The following ZNF493 variants were observed in gnomAD, a reference collection of about 807,000 sequenced individuals.
The protein encoded by ZNF493 is zinc finger protein 493.
In ZNF493, 11 loss-of-function variants were observed where a neutral mutation model predicts 12.2. That is an observed-to-expected ratio of 0.90 (90% confidence interval 0.57 to 1.50). The LOEUF (loss-of-function observed/expected upper bound fraction) is 1.50. ZNF493 is among the 40% of genes most tolerant of loss of function. ZNF493 has a pLI of 0.00. For synonymous variants in ZNF493, 286 were observed against 302.6 expected, an observed-to-expected ratio of 0.95 and a Z score of 0.57; for missense variants, 950 against 906.6, an observed-to-expected ratio of 1.05 and a Z score of -0.61.
chr19:21,399,617 G>A (rs984389848), intron 1 of ZNF493, among the ~76,000 whole-genome samples: 1 of 152,040 alleles, frequency 6.6e-6, no homozygotes, highest in African/African-American at 2.4e-5. Flanking sequence ...AAAGATTTGG[G>A]TTTCAAAAAA....
intron 1 of ZNF493, chr19:21,398,569 G>T: frequency 2.5e-6 from 1 of 405,464 alleles, no homozygotes; most frequent in South Asian, 1.8e-5. Flanking sequence ...GTTAGCTAGA[G>T]TGTCCATTGG....
At chr19:21,400,373 G>A (rs58121117) in intron 1 of ZNF493, among the ~76,000 whole-genome samples, 11,965 of 151,890 alleles carry the variant, frequency 0.079, 558 homozygotes, top group Middle Eastern at 0.13. Flanking sequence ...TTGTACCACT[G>A]TACTCTGGCC....
chr19:21,423,056 A>C lies in ZNF493; in HGVS notation c.397A>C (p.Asn133His), dbSNP rs2030729874. 4 of 1,613,710 alleles carry C rather than the reference A, an allele frequency of 2.5e-6. No homozygotes were observed. The highest frequency in any genetic ancestry group is 1.7e-4 in the Middle Eastern group (1 of 6,052). Residue 133 changes from asparagine (N) to histidine (H), a missense_variant, in exon 4 of 4, where the codon AAT (asparagine) becomes CAT (histidine). Asn to His is a moderately conservative substitution (Grantham distance 68). Coordinates refer to ENST00000392288, the MANE Select transcript of ZNF493 (RefSeq NM_001076678.3). ...AGGATGTAAAAGTATGAATGAGTGT[A>C]ATGTGCACAAAGAAGGTTATAATGA... is the stretch of plus-strand genomic sequence containing the variant. ...RKGCKSMNEC[N>H]VHKEGYNELN...
intron 3 of ZNF493, among the ~76,000 whole-genome samples, chr19:21,418,603 A>G (rs1014467292): frequency 6.6e-6 from 1 of 152,198 alleles, no homozygotes. Flanking sequence ...ACACACAGAA[A>G]TATAGAGGTG....
chr19:21,425,188 G>T lies in ZNF493; in HGVS notation c.*204G>T. Reference sequence around the variant, plus strand: ...ATTCATATTGGAGAGAAATTCTACAGATGTGAAGAATGTGGCAAAGGCTTT... The same window carrying T: ...ATTCATATTGGAGAGAAATTCTACATATGTGAAGAATGTGGCAAAGGCTTT... On this transcript the variant is annotated 3_prime_UTR_variant, in exon 4 of 4. Coordinates refer to ENST00000392288, the MANE Select transcript of ZNF493 (RefSeq NM_001076678.3). 1 of 647,458 alleles carries T rather than the reference G, an allele frequency of 1.5e-6. No individual in the cohort carries two copies. Among genetic ancestry groups the T allele is most frequent in the Non-Finnish European group, 2.7e-6 (1 of 368,640 alleles). The allele number at this position is 647,458 out of a possible 1,614,324, so 40.1% of individuals were successfully genotyped here.
At position 21,426,836 on chromosome 19, in the gene ZNF493, ATG is replaced by A. The variant is rs1237709866; in HGVS notation, c.*1853_*1854del. On this transcript the variant is annotated 3_prime_UTR_variant, in exon 4 of 4. Coordinates refer to ENST00000392288, the MANE Select transcript of ZNF493 (RefSeq NM_001076678.3). ...AGCGACACTTCGAATATTCTACTAAATGAGAGTTCTGAGTATAGAAAATAAAA... is the reference window on the plus strand; with the variant it reads ...AGCGACACTTCGAATATTCTACTAAAAGAGTTCTGAGTATAGAAAATAAAA... 1.2e-5 allele frequency: 2 copies of A among 167,080 alleles called. No individual in the cohort carries two copies. The highest frequency in any genetic ancestry group is 2.9e-5 in the Non-Finnish European group (2 of 68,096). 10.3% of individuals were successfully genotyped at this position (167,080 alleles called of 1,614,324 possible).
chr19:21,412,466 TAGTTTATGGCCAGTTTTGGGGCC>T (rs1423528619), intron 3 of ZNF493: 6 of 154,968 alleles, frequency 3.9e-5, no homozygotes, highest in Admixed American at 1.9e-4. Flanking sequence ...TGCAGAGATT[TAGTTTATGGCCAGTTTTGGGGCC>T]AGTTTATGGC....
chr19:21,404,193 T>C (rs1000871376), intron 1 of ZNF493, among the ~76,000 whole-genome samples: 12 of 152,184 alleles, frequency 7.9e-5, no homozygotes, highest in African/African-American at 2.7e-4. Flanking sequence ...TACTTTAAAA[T>C]GTTATTAAAA....
chr19:21,419,076 T>C (rs1445551371), intron 3 of ZNF493, among the ~76,000 whole-genome samples: 1 of 152,198 alleles, frequency 6.6e-6, no homozygotes, highest in African/African-American at 2.4e-5. Flanking sequence ...TTCAAATTAT[T>C]GAACTTGAGG....
chr19:21,406,836 T>A (rs917248610), intron 3 of ZNF493, among the ~76,000 whole-genome samples: 1 of 152,104 alleles, frequency 6.6e-6, no homozygotes, highest in African/African-American at 2.4e-5. Context: ...AAAATGCCAC[T>A]GGAATTTTGA....
intron 1 of ZNF493, among the ~76,000 whole-genome samples, chr19:21,401,896 C>G (rs527800416): frequency 5.7e-4 from 87 of 152,146 alleles, no homozygotes; most frequent in African/African-American, 2.0e-3. Flanking sequence ...TCCCAAAGTG[C>G]TAGGATTACA....
chr19:21,425,818 C>A lies in ZNF493; in HGVS notation c.*834C>A. 3.6e-6 allele frequency: 2 copies of A among 554,496 alleles called. No individual in the cohort carries two copies. The highest frequency in any genetic ancestry group is 2.9e-5 in the South Asian group (2 of 70,028). The allele number at this position is 554,496 out of a possible 1,614,324, so 34.3% of individuals were successfully genotyped here. Reference sequence around the variant, plus strand: ...AAAGCCTTTATCCAGTCCTCAACTCCTAGTAAACATAATTAATGATGGAGA... The same window carrying A: ...AAAGCCTTTATCCAGTCCTCAACTCATAGTAAACATAATTAATGATGGAGA... On this transcript the variant is annotated 3_prime_UTR_variant, in exon 4 of 4. Transcript: ENST00000392288.
At chr19:21,420,497 G>A (rs1390148698) in intron 3 of ZNF493, among the ~76,000 whole-genome samples, 2 of 143,454 alleles carry the variant, frequency 1.4e-5, no homozygotes, top group Non-Finnish European at 3.0e-5. Context: ...ATAAGGCAGT[G>A]CCAATATACT....
Position 21,423,101 on chromosome 19 carries a change from A to G in ZNF493, c.442A>G (p.Thr148Ala), listed in dbSNP as rs780734028. Residue 148 changes from threonine (T) to alanine (A), a missense_variant, in exon 4 of 4, where the codon ACT (threonine) becomes GCT (alanine). Thr to Ala is a moderately conservative substitution (Grantham distance 58). Coordinates refer to ENST00000392288, the MANE Select transcript of ZNF493 (RefSeq NM_001076678.3). ...TAATGAACTAAACCAGTATTTGACA[A>G]CTACCCAGAGCAAAATATTTCAATG... ...GYNELNQYLTTTQSKIFQCDK... is the reference protein window; with the variant it reads ...GYNELNQYLTATQSKIFQCDK... 2.5e-6 allele frequency: 4 copies of G among 1,613,770 alleles called. No homozygotes were observed. The highest frequency in any genetic ancestry group is 3.4e-6 in the Non-Finnish European group (4 of 1,179,828).
chr19:21,399,722 T>C (rs1188595549), intron 1 of ZNF493, among the ~76,000 whole-genome samples: 1 of 152,190 alleles, frequency 6.6e-6, no homozygotes, highest in Non-Finnish European at 1.5e-5. Flanking sequence ...GTGTTTTTTT[T>C]ATAGCTGGGT....
intron 1 of ZNF493, 58 bp downstream of exon 1, chr19:21,397,325 G>C (rs747791976): frequency 6.2e-7 from 1 of 1,606,646 alleles, no homozygotes; most frequent in Non-Finnish European, 8.5e-7. Flanking sequence ...GGAACCGGTG[G>C]GAAGTGGCTG....
chr19:21,405,830 G>T lies in ZNF493; in HGVS notation c.227G>T (p.Gly76Val). Reference sequence around the variant, plus strand: ...GGAAAAGATCCCTGGAATATGAAGGGACACAGTACGGTAGTCAAACCCCCA... The same window carrying T: ...GGAAAAGATCCCTGGAATATGAAGGTACACAGTACGGTAGTCAAACCCCCA... ...EQGKDPWNMK[G>V]HSTVVKPPVI... is the part of the protein sequence containing the mutation. Residue 76 changes from glycine (G) to valine (V), a missense_variant, in exon 3 of 4, where the codon GGA becomes GTA. Transcript: ENST00000392288. 6.4e-7 allele frequency: 1 copy of T among 1,553,816 alleles called. No homozygotes were observed. Among genetic ancestry groups the T allele is most frequent in the South Asian group, 1.1e-5 (1 of 90,072 alleles).
At chr19:21,397,696 A>C in intron 1 of ZNF493, 3 of 392,510 alleles carry the variant, frequency 7.6e-6, no homozygotes, top group Admixed American at 4.1e-5. Flanking sequence ...ATATTAAAGA[A>C]TGTAATCAAA....
rs1183596294 is a variant in ZNF493, at chr19:21,405,110, T to TA, written c.31-19_31-18insA. On this transcript the variant is annotated intron_variant, in intron 1 of 3. Transcript: ENST00000392288. Reference sequence around the variant, plus strand: ...TAAATGTGTGTGTGTGTGTGTGTGTTTGTGTGTGTTTGTTTCAGGGGCCGT... The same window carrying TA: ...TAAATGTGTGTGTGTGTGTGTGTGTTATGTGTGTGTTTGTTTCAGGGGCCGT... 1.9e-6 allele frequency: 3 copies of TA among 1,570,062 alleles called. No individual in the cohort carries two copies. The highest frequency in any genetic ancestry group is 3.5e-5 in the Admixed American group (2 of 56,720).
Sources: allele counts gnomAD v4.1 joint callset (sites outside exome capture counted in the v4.1 genomes callset), GRCh38; gene constraint gnomAD v4.1.1; transcripts MANE v1.5; gene names NCBI Gene and HGNC (gene_info 2026-07-23, HGNC 2026-07-21).